The following DISC1 variants were observed in gnomAD, a reference collection of about 807,000 sequenced individuals.
DISC1 encodes the protein disrupted in schizophrenia 1 protein.
A neutral mutation model predicts 84.5 loss-of-function variants in DISC1; 57 were observed. The ratio of observed to expected loss-of-function variants is 0.67; its 90% CI spans 0.55 to 0.84. The LOEUF (loss-of-function observed/expected upper bound fraction) is 0.84. Ranked by LOEUF, DISC1 falls within the 40% of genes least tolerant of loss-of-function variation. The probability of loss-of-function intolerance (pLI) is 0.00; values close to 1 mark genes in which losing one functional copy is unlikely to be tolerated. For synonymous variants in DISC1, 411 were observed against 415.2 expected (o/e 0.99, Z 0.12); for missense variants, 1,000 against 1,057.8 (o/e 0.95, Z 0.76).
At chr1:231,722,474 A>G (rs2069923736) in intron 3 of DISC1, 5 of 1,610,458 alleles carry the variant, frequency 3.1e-6, no homozygotes, top group Middle Eastern at 3.3e-4. Flanking sequence ...AAATACTGTT[A>G]GTCCCAGTCA....
Position 231,698,970 on chromosome 1 carries a change from T to G in DISC1, c.1048-2985T>G, listed in dbSNP as rs1346826971. 1.3e-5 allele frequency among the ~76,000 whole-genome samples: 2 copies of G among 152,200 alleles called. No homozygotes were observed. Among genetic ancestry groups the G allele is most frequent in the African/African-American group, 4.8e-5 (2 of 41,438 alleles). ...ATGCCTTATCCTAGGCTTTGGAGAT[T>G]GTATTAGGACAGGCTAGTAACAGGC... On this transcript the variant is annotated intron_variant, in intron 2 of 12. Transcript: ENST00000439617. This position sits in a 1 kb window ranked among gnomAD's most constrained non-coding sequence, Gnocchi z 4.9.
rs140213857 is a variant in DISC1, at chr1:231,847,181, G to A, written c.1981+28664G>A. Among the ~76,000 whole-genome samples, 72 of 152,078 alleles carry A rather than the reference G, an allele frequency of 4.7e-4. 2 individuals carry two copies. Among genetic ancestry groups the A allele is most frequent in the African/African-American group, 1.6e-3 (66 of 41,490 alleles). Reference sequence around the variant, plus strand: ...CCCTAAGCCTCTCTGCTTGGCTTGCGGATGGCTGTCTTCTCCCTGCGTCCT... The same window carrying A: ...CCCTAAGCCTCTCTGCTTGGCTTGCAGATGGCTGTCTTCTCCCTGCGTCCT... On this transcript the variant is annotated intron_variant, in intron 9 of 12. Transcript: ENST00000439617.
intron 1 of DISC1, among the ~76,000 whole-genome samples, chr1:231,635,669 A>C (rs965854268): frequency 6.6e-6 from 1 of 152,236 alleles, no homozygotes; most frequent in African/African-American, 2.4e-5. Context: ...TCCAATGCAT[A>C]GATTAACCAA....
At chr1:231,891,629 G>A (rs1423148244) in intron 9 of DISC1, among the ~76,000 whole-genome samples, 5 of 152,162 alleles carry the variant, frequency 3.3e-5, no homozygotes, top group Non-Finnish European at 7.3e-5. Context: ...CCTGGTCTGG[G>A]GTGATTAGGG....
intron 8 of DISC1, among the ~76,000 whole-genome samples, chr1:231,807,049 C>G (rs944137484): frequency 6.6e-6 from 1 of 152,242 alleles, no homozygotes; most frequent in African/African-American, 2.4e-5. Flanking sequence ...GTCTGCATGC[C>G]ATGCCTGCCT....
intron 1 of DISC1, among the ~76,000 whole-genome samples, chr1:231,667,270 TAATTTGCAC>T (rs1182237141): frequency 2.0e-5 from 3 of 152,270 alleles, no homozygotes; most frequent in Admixed American, 6.5e-5. Context: ...AAGAAAAGTT[TAATTTGCAC>T]ACTTGAGCTT....
chr1:231,683,507 C>T (rs138976131), intron 1 of DISC1, among the ~76,000 whole-genome samples: 2 of 147,532 alleles, frequency 1.4e-5, no homozygotes, highest in East Asian at 3.9e-4. Flanking sequence ...CTCACTGCCG[C>T]CTTGCCTTCC....
At chr1:231,681,091 A>G (rs1393319974) in intron 1 of DISC1, among the ~76,000 whole-genome samples, 1 of 152,248 alleles carries the variant, frequency 6.6e-6, no homozygotes, top group Admixed American at 6.5e-5. Context: ...TGTAGCTAGC[A>G]GCACCCTTGA....
At chr1:231,800,321 G>C (rs2079129666) in intron 8 of DISC1, 111 bp downstream of exon 8, 1 of 905,794 alleles carries the variant, frequency 1.1e-6, no homozygotes, top group African/African-American at 1.6e-5. Context: ...GTCATTCTCA[G>C]ACATCTGAAA....
rs190844731 is a variant in DISC1, at chr1:231,999,474, G to A, written c.2043-9311G>A. ...CTGCTAACAATAAGCAGCCAGGGGA[G>A]AGCTCTCCTTCCCTCCTGGCCTCCA... On this transcript the variant is annotated intron_variant, in intron 10 of 12. Coordinates refer to ENST00000439617, the MANE Select transcript of DISC1 (RefSeq NM_018662.3). Among the ~76,000 whole-genome samples, 4 of 152,274 alleles carry A rather than the reference G, an allele frequency of 2.6e-5. No individual in the cohort carries two copies. The East Asian group carries it at 5.8e-4, about 22-fold the overall frequency.
intron 9 of DISC1, among the ~76,000 whole-genome samples, chr1:231,934,033 A>G (rs2090832228): frequency 6.6e-6 from 1 of 152,104 alleles, no homozygotes; most frequent in African/African-American, 2.4e-5. Context: ...ATATTCACTC[A>G]CCTTTTCAAC....
At chr1:231,689,466 G>A (rs2064724107) in intron 1 of DISC1, among the ~76,000 whole-genome samples, 1 of 151,916 alleles carries the variant, frequency 6.6e-6, no homozygotes, top group African/African-American at 2.4e-5. Context: ...CGAGTAGCTG[G>A]GATTACAGGT....
intron 4 of DISC1, among the ~76,000 whole-genome samples, chr1:231,762,638 A>G (rs1028894749): frequency 7.3e-5 from 11 of 150,774 alleles, no homozygotes; most frequent in African/African-American, 1.7e-4. Context: ...GGCTTATGCT[A>G]CCATGCCTGG....
At chr1:231,968,278 G>T (rs1477237419) in intron 10 of DISC1, among the ~76,000 whole-genome samples, 3 of 152,080 alleles carry the variant, frequency 2.0e-5, no homozygotes, top group Non-Finnish European at 2.9e-5. Flanking sequence ...TAGAATTCCA[G>T]CTCCCTGTGT....
At chr1:231,741,992 A>G (rs929116247) in intron 3 of DISC1, among the ~76,000 whole-genome samples, 1 of 152,126 alleles carries the variant, frequency 6.6e-6, no homozygotes. Context: ...TGATCCTGTT[A>G]AACATGAGCT....
chr1:231,847,215 T>C (rs2083512213), intron 9 of DISC1, among the ~76,000 whole-genome samples: 1 of 152,088 alleles, frequency 6.6e-6, no homozygotes, highest in African/African-American at 2.4e-5. Flanking sequence ...CTCCCTCACA[T>C]GGCCTTCCCT....
intron 6 of DISC1, among the ~76,000 whole-genome samples, chr1:231,784,230 T>C (rs1415067253): frequency 2.7e-5 from 4 of 147,218 alleles, no homozygotes; most frequent in African/African-American, 1.0e-4. Context: ...ACCATTGCAC[T>C]CCAGCCTGGG....
intron 9 of DISC1, among the ~76,000 whole-genome samples, chr1:231,850,592 C>T (rs2083822800): frequency 6.6e-6 from 1 of 152,182 alleles, no homozygotes; most frequent in South Asian, 2.1e-4. Flanking sequence ...TGTACGAATG[C>T]AACCTAAGTT....
intron 9 of DISC1, among the ~76,000 whole-genome samples, chr1:231,935,062 G>A (rs1268608289): frequency 6.6e-6 from 1 of 152,198 alleles, no homozygotes; most frequent in Non-Finnish European, 1.5e-5. Context: ...GGACAACGAA[G>A]GATTGTGTTA....
Sources: allele counts gnomAD v4.1 joint callset (sites outside exome capture counted in the v4.1 genomes callset), GRCh38; gene constraint gnomAD v4.1.1; non-coding constraint Gnocchi (gnomAD v3.1); transcripts MANE v1.5; gene names NCBI Gene and HGNC (gene_info 2026-07-23, HGNC 2026-07-21).